WNK2: variants seen among roughly 807,000 people sequenced by gnomAD.
WNK2 encodes the protein WNK lysine deficient protein kinase 2.
In WNK2, 67 loss-of-function variants were observed where a neutral mutation model predicts 192.1. That is an observed-to-expected ratio of 0.35 (90% CI 0.29 to 0.43). The LOEUF is 0.43. Ranked by LOEUF, WNK2 falls within the 20% of genes least tolerant of loss-of-function variation. The pLI, the probability that WNK2 is intolerant of heterozygous loss-of-function variation, is 1.00. For missense variants in WNK2, 2,698 were observed against 3,089.7 expected (o/e 0.87, Z 3.01); for synonymous variants, 1,439 against 1,393.9 (o/e 1.03, Z -0.72).
chr9:93,261,472 C>T (rs376084370), intron 12 of WNK2, among the ~76,000 whole-genome samples: 15 of 152,192 alleles, frequency 9.9e-5, no homozygotes, highest in Admixed American at 3.9e-4. Flanking sequence ...GGCAGGCTGC[C>T]GCAGGCCCCA....
chr9:93,211,333 T>TA (rs1834649595), intron 2 of WNK2, among the ~76,000 whole-genome samples: 1 of 68,946 alleles, frequency 1.5e-5, no homozygotes, highest in African/African-American at 5.6e-5. Flanking sequence ...CAGTCACTCT[T>TA]TGGTCTACTC....
intron 2 of WNK2, among the ~76,000 whole-genome samples, chr9:93,187,732 G>T (rs1048219605): frequency 6.6e-6 from 1 of 152,156 alleles, no homozygotes; most frequent in East Asian, 1.9e-4. Flanking sequence ...GTAGAGTGGT[G>T]TAGGCTGACT....
At chr9:93,202,777 CT>C (rs1832702916) in intron 2 of WNK2, among the ~76,000 whole-genome samples, 1 of 152,078 alleles carries the variant, frequency 6.6e-6, no homozygotes, top group African/African-American at 2.4e-5. Context: ...CCTGAAGCCC[CT>C]GAGGAGCTTT....
At chr9:93,306,885 C>T (rs1300135993) in intron 27 of WNK2, 64 bp downstream of exon 27, 2 of 1,608,794 alleles carry the variant, frequency 1.2e-6, no homozygotes, top group African/African-American at 2.7e-5. Context: ...GTGGCTAGCG[C>T]ACATCAGGGT....
In WNK2 at chr9:93,252,959, T is replaced by C; in HGVS notation, c.1911T>C (p.Leu637=). 1 of 1,577,738 alleles carries C rather than the reference T, an allele frequency of 6.3e-7. No individual in the cohort carries two copies. The change falls in exon 9 of 30, where the codon CTT becomes CTC. Residue 637 remains leucine (L), a synonymous_variant. Transcript: ENST00000427277. The part of the protein sequence containing the change: ...DSQSSQQSVM[L]GSLADAAPSP... Reference sequence around the variant, plus strand: ...AGAGCAGCCAGCAGAGCGTGATGCTTGGCTCCCTTGCCGACGCAGCGCCGT... The same window carrying C: ...AGAGCAGCCAGCAGAGCGTGATGCTCGGCTCCCTTGCCGACGCAGCGCCGT...
chr9:93,258,608 C>T (rs1843681962), intron 11 of WNK2, among the ~76,000 whole-genome samples: 1 of 152,160 alleles, frequency 6.6e-6, no homozygotes, highest in Admixed American at 6.5e-5. Context: ...TCCCTCAGAG[C>T]CCCCAGCATG....
chr9:93,300,015 G>A, intron 25 of WNK2, 36 bp from the exon 26 acceptor site: 1 of 1,575,676 alleles, frequency 6.3e-7, no homozygotes, highest in Non-Finnish European at 8.7e-7. Flanking sequence ...CTTGATGAGT[G>A]TCTCTTTGTT....
At chr9:93,208,191 A>T (rs1833740763) in intron 2 of WNK2, among the ~76,000 whole-genome samples, 1 of 152,186 alleles carries the variant, frequency 6.6e-6, no homozygotes, top group Non-Finnish European at 1.5e-5. Context: ...GGCTTTGGAG[A>T]TGGGTGTCCC....
Position 93,247,654 on chromosome 9 carries a change from C to T in WNK2, c.1654C>T (p.Pro552Ser). The change falls in exon 8 of 30, where the codon CCC becomes TCC. Residue 552 changes from proline (P) to serine (S), a missense_variant. Physicochemically the swap from Pro to Ser is moderately conservative, Grantham distance 74 (BLOSUM62 -1). Coordinates refer to ENST00000427277, the MANE Select transcript of WNK2 (RefSeq NM_006648.4). This position sits in a 1 kb window ranked among gnomAD's most constrained non-coding sequence, Gnocchi z 5.2. ...RRERIWPALQ[P>S]KEQQDVGSPD... ...GGAGAGGATCTGGCCCGCGCTGCAG[C>T]CCAAGGAGCAGCAGGATGTGGGCAG... is the stretch of plus-strand genomic sequence containing the variant. The T allele has an allele frequency of 6.3e-7, 1 of 1,583,288 alleles. No individual in the cohort carries two copies.
chr9:93,187,466 C>T (rs1829549865), intron 2 of WNK2, among the ~76,000 whole-genome samples: 1 of 152,316 alleles, frequency 6.6e-6, no homozygotes. Flanking sequence ...AAAGAAGTAC[C>T]TCCAACATTT....
intron 21 of WNK2, 97 bp downstream of exon 21, chr9:93,290,144 AG>A: frequency 1.8e-6 from 2 of 1,095,594 alleles, no homozygotes; most frequent in Non-Finnish European, 2.6e-6. Flanking sequence ...TCATCTGTTA[AG>A]GCATAAAAGC....
intron 2 of WNK2, among the ~76,000 whole-genome samples, chr9:93,213,906 A>G (rs1245761970): frequency 1.3e-5 from 2 of 152,258 alleles, no homozygotes; most frequent in Non-Finnish European, 2.9e-5. Flanking sequence ...CAGTATAAGC[A>G]TCTTAAGACA....
At position 93,247,724 on chromosome 9, in the gene WNK2, T is replaced by A. The variant is rs763186444; in HGVS notation, c.1724T>A (p.Val575Glu). 7.1e-6 allele frequency: 11 copies of A among 1,557,518 alleles called. No individual in the cohort carries two copies. Among genetic ancestry groups the A allele is most frequent in the Non-Finnish European group, 8.7e-6 (10 of 1,151,546 alleles). The change falls in exon 8 of 30, where the codon GTG (valine) becomes GAG (glutamate). Residue 575 changes from valine to glutamate, a missense_variant. By Grantham distance (121) the Val-to-Glu change is moderately radical. Transcript: ENST00000427277. This position sits in a 1 kb window ranked among gnomAD's most constrained non-coding sequence, Gnocchi z 5.2. The stretch of plus-strand genomic sequence containing the variant: ...CCGCCGGTGCCCCTGCAGGTCCAGG[T>A]GACCTACCATGCACAGGCTGGGCAG... Reference protein sequence around the residue: ...RGPPVPLQVQVTYHAQAGQPG... With the variant: ...RGPPVPLQVQETYHAQAGQPG...
intron 2 of WNK2, among the ~76,000 whole-genome samples, chr9:93,208,711 G>GTGTGTTCTT (rs1563989640): frequency 3.5e-3 from 2 of 576 alleles, no homozygotes; most frequent in South Asian, 0.042. Context: ...TGCGTGTTCT[G>GTGTGTTCTT]TGTATGCTCT....
chr9:93,295,205 G>A lies in WNK2; in HGVS notation c.5708+2032G>A, dbSNP rs115266199. Among the ~76,000 whole-genome samples, 500 of 152,270 alleles carry A rather than the reference G, an allele frequency of 3.3e-3. 4 individuals carry two copies. Among genetic ancestry groups the A allele is most frequent in the African/African-American group, 0.012 (478 of 41,546 alleles). ...AGCCACATTGCAGTCTGGGACCGCGGGAGCTGGACCATGTGGGTGCGGCCT... is the reference window on the plus strand; with the variant it reads ...AGCCACATTGCAGTCTGGGACCGCGAGAGCTGGACCATGTGGGTGCGGCCT... On this transcript the variant is annotated intron_variant, in intron 23 of 29. Coordinates refer to ENST00000427277, the MANE Select transcript of WNK2 (RefSeq NM_006648.4).
chr9:93,265,604 C>G (rs1222323557), intron 16 of WNK2, among the ~76,000 whole-genome samples: 2 of 152,254 alleles, frequency 1.3e-5, no homozygotes, highest in Non-Finnish European at 2.9e-5. Flanking sequence ...CTTCTCTCAT[C>G]TTACTGTGTT....
chr9:93,288,694 G>A, intron 19 of WNK2, 94 bp from the exon 20 acceptor site: 1 of 1,282,916 alleles, frequency 7.8e-7, no homozygotes, highest in Non-Finnish European at 1.1e-6. Context: ...TGGGGCCATG[G>A]CCAGCTGTGT....
intron 19 of WNK2, among the ~76,000 whole-genome samples, chr9:93,275,104 G>A (rs1846623311): frequency 6.6e-6 from 1 of 152,076 alleles, no homozygotes; most frequent in South Asian, 2.1e-4. Flanking sequence ...TGCTGGGAGA[G>A]CAATATTGAA....
At position 93,301,738 on chromosome 9, in the gene WNK2, G is replaced by A. The variant is rs1851650947; in HGVS notation, c.6214+1589G>A. 6.6e-5 allele frequency among the ~76,000 whole-genome samples: 10 copies of A among 152,232 alleles called. No individual in the cohort carries two copies. In the South Asian group the frequency reaches 2.1e-3, roughly 31 times the overall value. Reference sequence around the variant, plus strand: ...TCGATCTGGGGCTGTCACTGGGGGCGAGGGCACCTGGGAGACTCAGTGCAG... The same window carrying A: ...TCGATCTGGGGCTGTCACTGGGGGCAAGGGCACCTGGGAGACTCAGTGCAG... On this transcript the variant is annotated intron_variant, in intron 26 of 29. Transcript: ENST00000427277.
Sources: gnomAD v4.1 joint callset for allele counts (sites outside exome capture counted in the v4.1 genomes callset) on GRCh38, gnomAD v4.1.1 for gene constraint, Gnocchi (gnomAD v3.1) non-coding constraint, MANE v1.5 for transcripts, NCBI Gene and HGNC (gene_info 2026-07-23, HGNC 2026-07-21) for gene names.